CD2AP: variants seen among roughly 807,000 people sequenced by gnomAD.
CD2AP encodes CD2 associated protein, also known as CD2-associated protein.
Under a neutral mutation model 85.1 loss-of-function variants are expected in CD2AP, and 46 were observed. The ratio of observed to expected loss-of-function variants is 0.54; its 90% CI spans 0.43 to 0.69. The LOEUF is 0.69. Among genes scored for constraint, CD2AP ranks in the 30% least tolerant of loss-of-function variants. The probability of loss-of-function intolerance (pLI) is 0.00; values close to 1 mark genes in which losing one functional copy is unlikely to be tolerated. For synonymous variants in CD2AP, 255 were observed against 252.9 expected (o/e 1.01, Z -0.08); for missense variants, 769 against 729.5 (o/e 1.05, Z -0.62).
chr6:47,573,803 C>T (rs915593375), intron 5 of CD2AP, among the ~76,000 whole-genome samples: 6 of 151,916 alleles, frequency 3.9e-5, no homozygotes, highest in African/African-American at 1.2e-4. Context: ...TTAAGGACCT[C>T]GTATGACATG....
intron 2 of CD2AP, among the ~76,000 whole-genome samples, chr6:47,515,134 AG>A (rs2113998760): frequency 6.6e-6 from 1 of 152,240 alleles, no homozygotes; most frequent in South Asian, 2.1e-4. Flanking sequence ...GGTCTGGCAA[AG>A]GTATTAGATA....
chr6:47,580,476 A>G (rs942731119), intron 9 of CD2AP, among the ~76,000 whole-genome samples: 5 of 152,080 alleles, frequency 3.3e-5, no homozygotes, highest in African/African-American at 1.2e-4. Flanking sequence ...CAAAAAAAAA[A>G]ACGGTCTCTC....
chr6:47,493,056 C>T (rs965999349), intron 1 of CD2AP, among the ~76,000 whole-genome samples: 6 of 152,170 alleles, frequency 3.9e-5, no homozygotes, highest in Non-Finnish European at 7.4e-5. Flanking sequence ...TTCATCTATT[C>T]ATATGCTATA....
chr6:47,523,704 T>G (rs1766652342), intron 2 of CD2AP, among the ~76,000 whole-genome samples: 1 of 152,156 alleles, frequency 6.6e-6, no homozygotes, highest in African/African-American at 2.4e-5. Flanking sequence ...GTTGGAGAAA[T>G]ACTTTATACA....
intron 3 of CD2AP, among the ~76,000 whole-genome samples, chr6:47,544,033 G>A (rs1415683126): frequency 2.6e-5 from 4 of 152,320 alleles, no homozygotes; most frequent in South Asian, 4.1e-4. Flanking sequence ...GAACACAAGC[G>A]CGAATGGTTA....
intron 13 of CD2AP, 60 bp downstream of exon 13, chr6:47,599,503 T>C: frequency 5.6e-6 from 8 of 1,425,198 alleles, no homozygotes; most frequent in Non-Finnish European, 6.8e-6. Context: ...AGAAACTCTT[T>C]AAGAGATATA....
chr6:47,606,790 G>A (rs996360399), intron 14 of CD2AP, among the ~76,000 whole-genome samples: 5 of 151,954 alleles, frequency 3.3e-5, no homozygotes, highest in East Asian at 1.9e-4. Flanking sequence ...TATCCATCAC[G>A]TCATGAATTT....
intron 1 of CD2AP, among the ~76,000 whole-genome samples, chr6:47,481,947 T>TA (rs1765456664): frequency 1.3e-5 from 2 of 151,698 alleles, no homozygotes; most frequent in Non-Finnish European, 1.5e-5. Flanking sequence ...TTTTTGTAGA[T>TA]ACAGGCTCTC....
chr6:47,600,414 T>C (rs566330651), intron 13 of CD2AP, among the ~76,000 whole-genome samples: 28 of 152,120 alleles, frequency 1.8e-4, no homozygotes, highest in Non-Finnish European at 3.5e-4. Flanking sequence ...TTATAAAATA[T>C]GCTATTACAT....
At chr6:47,525,868 C>G (rs1240316696) in intron 2 of CD2AP, among the ~76,000 whole-genome samples, 3 of 151,992 alleles carry the variant, frequency 2.0e-5, no homozygotes, top group South Asian at 2.1e-4. Context: ...TTGACATTAC[C>G]TATTGTGCAA....
intron 2 of CD2AP, among the ~76,000 whole-genome samples, chr6:47,509,010 TA>T (rs951738454): frequency 5.9e-5 from 9 of 152,236 alleles, no homozygotes; most frequent in African/African-American, 2.2e-4. Flanking sequence ...ACTTCCTCAC[TA>T]AACTTGGTCA....
chr6:47,510,110 G>A (rs1190555447), intron 2 of CD2AP, among the ~76,000 whole-genome samples: 1 of 152,090 alleles, frequency 6.6e-6, no homozygotes, highest in Non-Finnish European at 1.5e-5. Flanking sequence ...ATAGAGAAAA[G>A]TTTAATCTGG....
intron 3 of CD2AP, among the ~76,000 whole-genome samples, chr6:47,536,843 G>C (rs1286300593): frequency 1.3e-5 from 2 of 152,144 alleles, no homozygotes; most frequent in Admixed American, 1.3e-4. Flanking sequence ...GTAAAATATT[G>C]TGTTTAGAGA....
At chr6:47,602,971 A>T (rs1769181298) in intron 13 of CD2AP, among the ~76,000 whole-genome samples, 1 of 152,070 alleles carries the variant, frequency 6.6e-6, no homozygotes, top group South Asian at 2.1e-4. Flanking sequence ...TTGAATAAGG[A>T]AACACATTTG....
chr6:47,562,885 G>T (rs1767898821), intron 5 of CD2AP: 2 of 730,296 alleles, frequency 2.7e-6, no homozygotes, highest in Non-Finnish European at 2.5e-6. Flanking sequence ...GTAGGGGAAT[G>T]GGTAGGCCTC....
rs1325554386 is a variant in CD2AP, at chr6:47,608,172, T to C, written c.1632+144T>C. ...ATTGCTGCTAAAAAATTGAGTTGTT[T>C]AGCTTCATCAGACTATTTTCTGCAA... is the stretch of plus-strand genomic sequence containing the variant. On this transcript the variant is annotated intron_variant, in intron 15 of 17. Transcript: ENST00000359314. 12 of 663,096 alleles carry C rather than the reference T, an allele frequency of 1.8e-5. No individual in the cohort carries two copies. In the South Asian group the frequency reaches 2.1e-4, roughly 11 times the overall value. 41.1% of individuals were successfully genotyped at this position (663,096 alleles called of 1,614,324 possible).
At chr6:47,535,658 A>G (rs532209662) in intron 3 of CD2AP, among the ~76,000 whole-genome samples, 17 of 152,338 alleles carry the variant, frequency 1.1e-4, no homozygotes, top group East Asian at 7.7e-4. Context: ...GCTTTCTAGC[A>G]TTATTGCCTG....
rs188518688 is a variant in CD2AP, at chr6:47,584,998, A to G, written c.1108+2933A>G. On this transcript the variant is annotated intron_variant, in intron 11 of 17. Coordinates refer to ENST00000359314, the MANE Select transcript of CD2AP (RefSeq NM_012120.3). ...TCCCTAAAATCAGTCAGTTGTTCTT[A>G]TAAATAAATTGGAGGCCGGGCGCGG... is the stretch of plus-strand genomic sequence containing the variant. Among the ~76,000 whole-genome samples, 1,031 of 152,228 alleles carry G rather than the reference A, an allele frequency of 6.8e-3. 6 individuals carry two copies. The highest frequency in any genetic ancestry group is 0.012 in the Non-Finnish European group (792 of 67,996).
rs553804216 is a variant in CD2AP at position 47,615,005 on chromosome 6, CAT to C, written c.1878+2472_1878+2473del. On this transcript the variant is annotated intron_variant, in intron 17 of 17. Transcript: ENST00000359314. ...ATGTTCATTTGCATTATTCTTTCTGCATATCTCAGAGAAAGTTGTATCCTACC... is the reference window on the plus strand; with the variant it reads ...ATGTTCATTTGCATTATTCTTTCTGCATCTCAGAGAAAGTTGTATCCTACC... Among the ~76,000 whole-genome samples, 23 of 152,298 alleles carry C rather than the reference CAT, an allele frequency of 1.5e-4. No individual in the cohort carries two copies. In the South Asian group the frequency reaches 3.9e-3, roughly 26 times the overall value.
Sources: allele counts gnomAD v4.1 joint callset (sites outside exome capture counted in the v4.1 genomes callset), GRCh38; gene constraint gnomAD v4.1.1; transcripts MANE v1.5; gene names NCBI Gene and HGNC (gene_info 2026-07-23, HGNC 2026-07-21).